Variants in NCAN observed in about 807,000 individuals in gnomAD.
NCAN encodes neurocan core protein.
A neutral mutation model predicts 121.8 loss-of-function variants in NCAN; 47 were observed. The ratio of observed to expected loss-of-function variants is 0.39; its 90% CI spans 0.31 to 0.49. The LOEUF (loss-of-function observed/expected upper bound fraction) is 0.49, where lower values mean the gene tolerates loss of function less well. Ranked by LOEUF, NCAN falls within the 20% of genes least tolerant of loss-of-function variation. The pLI, the probability that NCAN is intolerant of heterozygous loss-of-function variation, is 0.92. For synonymous variants in NCAN, 633 were observed against 702.0 expected, an observed-to-expected ratio of 0.90 and a Z score of 1.55; for missense variants, 1,517 against 1,773.4, an observed-to-expected ratio of 0.86 and a Z score of 2.60.
At chr19:19,222,522 G>GC (rs1296506073) in intron 3 of NCAN, among the ~76,000 whole-genome samples, 1 of 152,110 alleles carries the variant, frequency 6.6e-6, no homozygotes, top group African/African-American at 2.4e-5. Flanking sequence ...CAAGTGATCT[G>GC]CCTGCCTCGG....
chr19:19,245,547 G>A lies in NCAN; in HGVS notation c.3637+90G>A, dbSNP rs1397285866. 6 of 1,455,490 alleles carry A rather than the reference G, an allele frequency of 4.1e-6. 1 individual carries two copies. Among genetic ancestry groups the A allele is most frequent in the Admixed American group, 2.1e-5 (1 of 47,256 alleles). The allele number at this position is 1,455,490 out of a possible 1,614,324, so 90.2% of individuals were successfully genotyped here. A position where few individuals can be genotyped will look rare whatever the true frequency, so the allele number is the denominator to read the frequency against. On this transcript the variant is annotated intron_variant, in intron 13 of 14. Coordinates refer to ENST00000252575, the MANE Select transcript of NCAN (RefSeq NM_004386.3). ...GGCTGGAGTGCAGTGGCATAATCAT[G>A]GCTCATCACAGCCTCCACCGCCTGG...
At chr19:19,228,721 G>A in intron 8 of NCAN, 82 bp downstream of exon 8, 1 of 1,453,054 alleles carries the variant, frequency 6.9e-7, no homozygotes, top group Non-Finnish European at 9.2e-7. Flanking sequence ...CCAGAGCAGG[G>A]AGGAATGGTT....
chr19:19,216,344 C>A (rs149446211), intron 1 of NCAN, among the ~76,000 whole-genome samples: 6,807 of 151,236 alleles, frequency 0.045, 234 homozygotes, highest in East Asian at 0.13. Flanking sequence ...CAGAGTCTCA[C>A]CCTGTCGCCC....
At chr19:19,220,928 CAAACAAA>C (rs924884290) in intron 3 of NCAN, among the ~76,000 whole-genome samples, 49 of 151,692 alleles carry the variant, frequency 3.2e-4, no homozygotes, top group Admixed American at 4.6e-4. Context: ...AACAAACAAA[CAAACAAA>C]AAACAAAAAA....
chr19:19,242,276 A>T (rs545114805), intron 12 of NCAN, among the ~76,000 whole-genome samples: 1 of 152,304 alleles, frequency 6.6e-6, no homozygotes, highest in Non-Finnish European at 1.5e-5. Flanking sequence ...TAATCCCAGC[A>T]CTTTGGGGAG....
In NCAN at chr19:19,245,276, G is replaced by A. The variant is rs754532700; in HGVS notation, c.3493-37G>A. On this transcript the variant is annotated intron_variant, in intron 12 of 14. Transcript: ENST00000252575. Reference sequence around the variant, plus strand: ...TTGCCAGAACCTGGGCTGGAACAGAGGTCCCCTGAACAACTCCCTGCCCCC... The same window carrying A: ...TTGCCAGAACCTGGGCTGGAACAGAAGTCCCCTGAACAACTCCCTGCCCCC... 6 of 1,609,356 alleles carry A rather than the reference G, an allele frequency of 3.7e-6. No individual in the cohort carries two copies. The East Asian group carries it at 1.1e-4, about 30-fold the overall frequency.
chr19:19,238,272 C>A lies in NCAN; in HGVS notation c.3270C>A (p.Arg1090=), dbSNP rs533026663. ...TCCCAGACACCGAGGGCTGTGACCG[C>A]GGCTGGCATAAGTTCCAGGGCCACT... is the stretch of plus-strand genomic sequence containing the variant. ...FCEKDTEGCD[R]GWHKFQGHCY... Residue 1090 remains arginine, a synonymous_variant, in exon 11 of 15, where the codon CGC becomes CGA. Transcript: ENST00000252575. 3.7e-6 allele frequency: 6 copies of A among 1,614,060 alleles called. No homozygotes were observed. Among genetic ancestry groups the A allele is most frequent in the Admixed American group, 1.7e-5 (1 of 60,010 alleles).
chr19:19,219,819 GT>G (rs2060809867), intron 3 of NCAN, among the ~76,000 whole-genome samples: 1 of 149,236 alleles, frequency 6.7e-6, no homozygotes, highest in African/African-American at 2.5e-5. Context: ...GAGGTCAGGA[GT>G]TTGAGACCAG....
At chr19:19,235,280 AT>A (rs2060876875) in intron 10 of NCAN, among the ~76,000 whole-genome samples, 184 bp downstream of exon 10, 1 of 151,980 alleles carries the variant, frequency 6.6e-6, no homozygotes, top group South Asian at 2.1e-4. Context: ...TTATTTTATT[AT>A]TTTTTTGAGA....
chr19:19,232,403 C>G (rs1239184684), intron 8 of NCAN, among the ~76,000 whole-genome samples: 1 of 152,258 alleles, frequency 6.6e-6, no homozygotes, highest in Admixed American at 6.5e-5. Flanking sequence ...GCTCATGTGT[C>G]CCGCCGCCTG....
At chr19:19,235,349 A>G (rs191239443) in intron 10 of NCAN, among the ~76,000 whole-genome samples, 2 of 152,108 alleles carry the variant, frequency 1.3e-5, no homozygotes, top group African/African-American at 4.8e-5. Flanking sequence ...AGCTCACTGC[A>G]ACCCCCACCT....
rs368157092 is a variant in NCAN at position 19,245,401 on chromosome 19, G to A, written c.3581G>A (p.Arg1194His). 3.2e-5 allele frequency: 52 copies of A among 1,614,076 alleles called. No homozygotes were observed. In the Admixed American group the frequency reaches 4.3e-4, roughly 13 times the overall value. ...GTGATGGTGGCGCATGAAAGCGGGCGCTGGAACGATGTCCCCTGCAACTAC... is the reference window on the plus strand; with the variant it reads ...GTGATGGTGGCGCATGAAAGCGGGCACTGGAACGATGTCCCCTGCAACTAC... ...CVVMVAHESGRWNDVPCNYNL... is the reference protein window; with the variant it reads ...CVVMVAHESGHWNDVPCNYNL... The change falls in exon 13 of 15, where the codon CGC becomes CAC. Residue 1194 changes from arginine to histidine, a missense_variant. Coordinates refer to ENST00000252575, the MANE Select transcript of NCAN (RefSeq NM_004386.3).
chr19:19,246,803 A>G (rs111492783), intron 13 of NCAN, among the ~76,000 whole-genome samples: 24,227 of 151,996 alleles, frequency 0.16, 2,101 homozygotes, highest in Middle Eastern at 0.27. Context: ...CAGCCTCCCA[A>G]AGTTCTGGGG....
chr19:19,219,282 G>A lies in NCAN; in HGVS notation c.441G>A (p.Glu147=). The A allele has an allele frequency of 6.3e-7, 1 of 1,577,306 alleles. No individual in the cohort carries two copies. Among genetic ancestry groups the A allele is most frequent in the Non-Finnish European group, 8.6e-7 (1 of 1,166,922 alleles). The change falls in exon 3 of 15, where the codon GAG becomes GAA. Residue 147 remains glutamate, a synonymous_variant. Coordinates refer to ENST00000252575, the MANE Select transcript of NCAN (RefSeq NM_004386.3). ...LYRCQVVRGI[E]DEQDLVPLEV... ...GCTGCCAGGTGGTGAGGGGCATCGA[G>A]GATGAGCAGGACCTGGTGCCCTTGG... is the stretch of plus-strand genomic sequence containing the variant.
Position 19,248,680 on chromosome 19 carries a change from T to A in NCAN, c.3638-20T>A. 6.2e-7 allele frequency: 1 copy of A among 1,607,704 alleles called. No homozygotes were observed. Among genetic ancestry groups the A allele is most frequent in the Admixed American group, 1.7e-5 (1 of 59,506 alleles). ...CCCCAGATGTGAGCACCTCTCTCAC[T>A]AGAGATTCCTCTGTCCCAGTGCTCT... On this transcript the variant is annotated intron_variant, in intron 13 of 14. Coordinates refer to ENST00000252575, the MANE Select transcript of NCAN (RefSeq NM_004386.3).
intron 13 of NCAN, among the ~76,000 whole-genome samples, chr19:19,247,902 G>A (rs887917179): frequency 6.6e-6 from 1 of 152,076 alleles, no homozygotes; most frequent in Non-Finnish European, 1.5e-5. Flanking sequence ...ACGAGCTGAG[G>A]GGGGTGTCAT....
chr19:19,226,668 T>C lies in NCAN; in HGVS notation c.1255T>C (p.Leu419=), dbSNP rs139123492. 7.6e-5 allele frequency: 122 copies of C among 1,613,532 alleles called. 1 individual carries two copies. Among genetic ancestry groups the C allele is most frequent in the Non-Finnish European group, 9.8e-5 (116 of 1,179,832 alleles). ...CAGTGGGGAAGAAGAAACCCTGATT[T>C]TGGAGGAGAAGCAGGAGTCTCAACA... ...VSSGEEETLI[L]EEKQESQQTL... Residue 419 remains leucine, a synonymous_variant, in exon 7 of 15, where the codon TTG becomes CTG. Transcript: ENST00000252575.
intron 13 of NCAN, among the ~76,000 whole-genome samples, chr19:19,247,893 C>T (rs1199064647): frequency 2.6e-5 from 4 of 152,086 alleles, no homozygotes; most frequent in Non-Finnish European, 4.4e-5. Flanking sequence ...GACCTGTTGA[C>T]GAGCTGAGGG....
intron 1 of NCAN, among the ~76,000 whole-genome samples, chr19:19,213,331 TTG>T (rs2060782303): frequency 6.6e-6 from 1 of 151,706 alleles, no homozygotes; most frequent in South Asian, 2.1e-4. Context: ...GTGACTGTGG[TTG>T]TGTCTTTGTC....
Sources: allele counts gnomAD v4.1 joint callset (sites outside exome capture counted in the v4.1 genomes callset), GRCh38; gene constraint gnomAD v4.1.1; transcripts MANE v1.5; gene names NCBI Gene and HGNC (gene_info 2026-07-23, HGNC 2026-07-21).